Variants in TMEM132B observed in about 807,000 individuals in gnomAD.
The protein encoded by TMEM132B is transmembrane protein 132B.
In TMEM132B, 18 loss-of-function variants were observed where a neutral mutation model predicts 90.8. That is an observed-to-expected ratio of 0.20 (90% confidence interval 0.14 to 0.29). The LOEUF (loss-of-function observed/expected upper bound fraction) is 0.29, where lower values mean the gene tolerates loss of function less well. Ranked by LOEUF, TMEM132B falls within the 10% of genes least tolerant of loss-of-function variation. The probability of loss-of-function intolerance (pLI) is 1.00; values close to 1 mark genes in which losing one functional copy is unlikely to be tolerated. For synonymous variants in TMEM132B, 504 were observed against 523.3 expected (o/e 0.96, Z 0.50); for missense variants, 1,096 against 1,326.8 (o/e 0.83, Z 2.70).
intron 3 of TMEM132B, among the ~76,000 whole-genome samples, chr12:125,440,704 C>A (rs139702698): frequency 6.6e-4 from 100 of 152,320 alleles, no homozygotes; most frequent in African/African-American, 2.3e-3. Context: ...ATGTAGGCAA[C>A]AAATCAGTGG....
intron 3 of TMEM132B, among the ~76,000 whole-genome samples, chr12:125,515,950 GCA>G (rs1341939552): frequency 6.7e-6 from 1 of 149,842 alleles, no homozygotes; most frequent in Admixed American, 6.6e-5. Context: ...ACACAGAGCT[GCA>G]CATTCTCTCT....
intron 1 of TMEM132B, among the ~76,000 whole-genome samples, chr12:125,220,589 A>G (rs1473229735): frequency 6.6e-6 from 1 of 152,180 alleles, no homozygotes; most frequent in African/African-American, 2.4e-5. Context: ...CTGGAGTGAG[A>G]AGCTGATCAG....
chr12:125,563,146 CGTAATAATA>C (rs56815539), intron 4 of TMEM132B, among the ~76,000 whole-genome samples: 3,158 of 92,530 alleles, frequency 0.034, 102 homozygotes, highest in East Asian at 0.2. Context: ...CACCATAATG[CGTAATAATA>C]ATAATAATAA....
rs1451814071 is a variant in TMEM132B at position 125,458,335 on chromosome 12, C to T, written c.1106+42658C>T. On this transcript the variant is annotated intron_variant, in intron 3 of 8. Transcript: ENST00000682704. The surrounding 1 kb of genome is among the most constrained non-coding windows in gnomAD (Gnocchi z 4.9). Reference sequence around the variant, plus strand: ...GTCCATGACAGAGTAATTGGCCAGACTGGTCCCCTACCTCTGCCATAAACA... The same window carrying T: ...GTCCATGACAGAGTAATTGGCCAGATTGGTCCCCTACCTCTGCCATAAACA... Among the ~76,000 whole-genome samples the T allele has an allele frequency of 6.6e-6, 1 of 152,158 alleles. No homozygotes were observed. The highest frequency in any genetic ancestry group is 1.5e-5 in the Non-Finnish European group (1 of 68,020).
intron 4 of TMEM132B, among the ~76,000 whole-genome samples, chr12:125,558,551 A>G (rs1166128833): frequency 6.6e-6 from 1 of 152,250 alleles, no homozygotes; most frequent in African/African-American, 2.4e-5. Flanking sequence ...CACATACCAA[A>G]TAACTAGAAA....
intron 1 of TMEM132B, chr12:125,300,924 G>C (rs1875806681): frequency 6.6e-6 from 1 of 152,090 alleles, no homozygotes; most frequent in African/African-American, 2.4e-5. Flanking sequence ...CTTTCTCGGT[G>C]ACTTCTGAGG....
chr12:125,206,299 T>C (rs1873184325), intron 1 of TMEM132B, among the ~76,000 whole-genome samples: 1 of 152,002 alleles, frequency 6.6e-6, no homozygotes, highest in Admixed American at 6.6e-5. Flanking sequence ...AGTGCAGTGG[T>C]GCAATCTCAG....
intron 2 of TMEM132B, among the ~76,000 whole-genome samples, chr12:125,402,846 A>G (rs1483598484): frequency 6.6e-6 from 1 of 152,092 alleles, no homozygotes; most frequent in Non-Finnish European, 1.5e-5. Flanking sequence ...TGAAGAACCT[A>G]TGGAAAATAC....
At chr12:125,637,419 G>C (rs571465598) in intron 5 of TMEM132B, among the ~76,000 whole-genome samples, 1 of 152,134 alleles carries the variant, frequency 6.6e-6, no homozygotes, top group Admixed American at 6.5e-5. Flanking sequence ...AAGGACATGC[G>C]CCCGTGTCAC....
chr12:125,327,400 C>T (rs1656825629), intron 1 of TMEM132B: 1 of 152,360 alleles, frequency 6.6e-6, no homozygotes, highest in Admixed American at 6.5e-5. Flanking sequence ...TTTCTTCCCT[C>T]TCTCAGCACC....
intron 3 of TMEM132B, among the ~76,000 whole-genome samples, chr12:125,466,502 G>A (rs1418445549): frequency 6.6e-6 from 1 of 152,224 alleles, no homozygotes; most frequent in East Asian, 1.9e-4. Context: ...TTTCATTCCT[G>A]TTGTGAGCAT....
chr12:125,302,275 G>C (rs551281133), intron 1 of TMEM132B, among the ~76,000 whole-genome samples: 2 of 152,002 alleles, frequency 1.3e-5, no homozygotes, highest in South Asian at 4.2e-4. Flanking sequence ...TGAGGTGGGA[G>C]GATCACCTGA....
Position 125,650,973 on chromosome 12 carries a change from G to A in TMEM132B, c.1914+20G>A, listed in dbSNP as rs375678394. The A allele has an allele frequency of 4.3e-6, 7 of 1,610,904 alleles. No homozygotes were observed. Among genetic ancestry groups the A allele is most frequent in the African/African-American group, 2.7e-5 (2 of 74,972 alleles). ...GTGCAGGTACACGCCGCCATGCCTT[G>A]CCCAACAGCAGTCTGTGTTGATGAG... On this transcript the variant is annotated intron_variant, in intron 7 of 8. Transcript: ENST00000682704.
rs141158652 is a variant in TMEM132B at position 125,401,132 on chromosome 12, G to A, written c.960-14399G>A. The stretch of plus-strand genomic sequence containing the variant: ...CCTGCCCTTGGAATTTTTTGGTGAT[G>A]TCTCTTACTGGGCATCTTCAGCCCT... On this transcript the variant is annotated intron_variant, in intron 2 of 8. Coordinates refer to ENST00000682704, the MANE Select transcript of TMEM132B (RefSeq NM_001366854.1). Among the ~76,000 whole-genome samples, 247 of 152,290 alleles carry A rather than the reference G, an allele frequency of 1.6e-3. 2 individuals carry two copies. Among genetic ancestry groups the A allele is most frequent in the African/African-American group, 5.6e-3 (231 of 41,564 alleles).
chr12:125,655,336 G>T lies in TMEM132B; in HGVS notation c.*626G>T, dbSNP rs978164635. On this transcript the variant is annotated 3_prime_UTR_variant, in exon 9 of 9. Transcript: ENST00000682704. ...TTTGCCATGCCATGTTATTTCCTGG[G>T]TCTCCATGCAGGATGTCAGGTTTTT... 6 of 152,176 alleles carry T rather than the reference G, an allele frequency of 3.9e-5. No individual in the cohort carries two copies. Among genetic ancestry groups the T allele is most frequent in the African/African-American group, 1.4e-4 (6 of 41,414 alleles). 9.4% of individuals were successfully genotyped at this position (152,176 alleles called of 1,614,324 possible). A position where few individuals can be genotyped will look rare whatever the true frequency, so the allele number is the denominator to read the frequency against.
intron 5 of TMEM132B, among the ~76,000 whole-genome samples, chr12:125,596,417 T>C (rs1885441882): frequency 6.6e-6 from 1 of 152,214 alleles, no homozygotes. Context: ...ATATACCCAA[T>C]TTATTCCTTC....
At chr12:125,289,586 A>C (rs1875474691) in intron 1 of TMEM132B, among the ~76,000 whole-genome samples, 1 of 152,258 alleles carries the variant, frequency 6.6e-6, no homozygotes, top group African/African-American at 2.4e-5. Context: ...AGAGAATAAC[A>C]ATAGTGGCAT....
intron 5 of TMEM132B, among the ~76,000 whole-genome samples, chr12:125,613,926 A>T (rs143657138): frequency 1.3e-5 from 2 of 152,104 alleles, no homozygotes; most frequent in African/African-American, 4.8e-5. Flanking sequence ...TCTTAGTCTC[A>T]TACAGTTTTG....
intron 3 of TMEM132B, among the ~76,000 whole-genome samples, chr12:125,477,892 G>A (rs1447119120): frequency 6.6e-6 from 1 of 152,148 alleles, no homozygotes; most frequent in Non-Finnish European, 1.5e-5. Context: ...GAAGCTTCCA[G>A]AGGAAGGATC....
Sources: gnomAD v4.1 joint callset for allele counts (sites outside exome capture counted in the v4.1 genomes callset) on GRCh38, gnomAD v4.1.1 for gene constraint, Gnocchi (gnomAD v3.1) non-coding constraint, MANE v1.5 for transcripts, NCBI Gene and HGNC (gene_info 2026-07-23, HGNC 2026-07-21) for gene names.